Variants in BRAF observed in about 807,000 individuals in gnomAD.
BRAF encodes the protein serine/threonine-protein kinase B-raf.
A neutral mutation model predicts 104.6 loss-of-function variants in BRAF; 16 were observed. The observed-to-expected ratio is 0.15, with a 90% confidence interval of 0.10 to 0.23. The LOEUF is 0.23. Ranked by LOEUF, BRAF falls within the 10% of genes least tolerant of loss-of-function variation. The pLI is 1.00. For missense variants in BRAF, 541 were observed against 937.3 expected, an observed-to-expected ratio of 0.58 and a Z score of 5.52; for synonymous variants, 310 against 341.6, an observed-to-expected ratio of 0.91 and a Z score of 1.02.
intron 14 of BRAF, among the ~76,000 whole-genome samples, chr7:140,762,752 C>T (rs910523308): frequency 2.0e-5 from 3 of 151,856 alleles, no homozygotes; most frequent in Non-Finnish European, 4.4e-5. Flanking sequence ...GAGGACCCTG[C>T]GGCCTTCCGC....
At chr7:140,865,536 A>G (rs1436481629) in intron 1 of BRAF, among the ~76,000 whole-genome samples, 1 of 152,218 alleles carries the variant, frequency 6.6e-6, no homozygotes, top group Non-Finnish European at 1.5e-5. Context: ...TATGATGAAA[A>G]GAGAGAAAAA....
intron 1 of BRAF, among the ~76,000 whole-genome samples, chr7:140,880,132 TGAACCACAGTA>T (rs1812731017): frequency 6.6e-6 from 1 of 152,238 alleles, no homozygotes; most frequent in African/African-American, 2.4e-5. Context: ...TGATAGCATC[TGAACCACAGTA>T]GAACTACTTT....
chr7:140,771,418 T>A (rs934345964), intron 14 of BRAF, among the ~76,000 whole-genome samples: 1 of 152,170 alleles, frequency 6.6e-6, no homozygotes, highest in Non-Finnish European at 1.5e-5. Flanking sequence ...GGTCTTGAAC[T>A]CCTTGGCTCG....
At position 140,918,417 on chromosome 7, in the gene BRAF, A is replaced by G. The variant is rs545805443; in HGVS notation, c.138+6149T>C. ...ACGCTCCTGCCGCTGATCTGACAGGAGGTGGAGCTTTGGCGGTAATGCTCA... is the reference window on the plus strand; with the variant it reads ...ACGCTCCTGCCGCTGATCTGACAGGGGGTGGAGCTTTGGCGGTAATGCTCA... On this transcript the variant is annotated intron_variant, in intron 1 of 19. Coordinates refer to ENST00000644969, the MANE Select transcript of BRAF (RefSeq NM_001374258.1). 2.6e-5 allele frequency among the ~76,000 whole-genome samples: 4 copies of G among 152,278 alleles called. No individual in the cohort carries two copies. In the South Asian group the frequency reaches 8.3e-4, roughly 32 times the overall value.
chr7:140,881,769 A>T lies in BRAF; in HGVS notation c.139-31557T>A, dbSNP rs543921756. ...CCATTGTAGAGTTATTAATTGGCCT[A>T]ACTTCAATATTGTTGTGTCTCAGGG... On this transcript the variant is annotated intron_variant, in intron 1 of 19. Transcript: ENST00000644969. Among the ~76,000 whole-genome samples, 4 of 152,324 alleles carry T rather than the reference A, an allele frequency of 2.6e-5. No individual in the cohort carries two copies. The East Asian group carries it at 7.7e-4, about 29-fold the overall frequency.
chr7:140,750,186 C>T (rs917624067), intron 16 of BRAF, among the ~76,000 whole-genome samples: 27 of 152,094 alleles, frequency 1.8e-4, no homozygotes, highest in Admixed American at 8.5e-4. Flanking sequence ...TTTCACCTTG[C>T]GTCTTCTGTA....
chr7:140,801,922 G>A (rs896019081), intron 5 of BRAF, among the ~76,000 whole-genome samples: 8 of 152,124 alleles, frequency 5.3e-5, no homozygotes, highest in Non-Finnish European at 7.3e-5. Context: ...AAAGAAGGGA[G>A]GTTAAGAAAT....
chr7:140,738,957 T>C (rs1280362446), intron 18 of BRAF, among the ~76,000 whole-genome samples: 1 of 141,058 alleles, frequency 7.1e-6, no homozygotes, highest in Non-Finnish European at 1.5e-5. Flanking sequence ...GCTTTATCCT[T>C]CCAATATGGA....
intron 8 of BRAF, among the ~76,000 whole-genome samples, chr7:140,789,429 G>C (rs768271907): frequency 2.0e-5 from 3 of 151,998 alleles, no homozygotes; most frequent in Non-Finnish European, 4.4e-5. Flanking sequence ...CTAAAACAAA[G>C]TAAATTCTTT....
At chr7:140,818,914 G>A (rs182728470) in intron 3 of BRAF, among the ~76,000 whole-genome samples, 70 of 152,206 alleles carry the variant, frequency 4.6e-4, no homozygotes, top group Non-Finnish European at 7.9e-4. Context: ...ACCTTACACT[G>A]AAGATAGCTT....
intron 1 of BRAF, among the ~76,000 whole-genome samples, chr7:140,859,930 G>A (rs971388684): frequency 2.0e-5 from 3 of 152,034 alleles, no homozygotes; most frequent in African/African-American, 7.2e-5. Flanking sequence ...CTCGTGATCC[G>A]TCCGCTTCAG....
intron 17 of BRAF, among the ~76,000 whole-genome samples, chr7:140,742,945 T>G (rs1032723607): frequency 9.9e-5 from 15 of 151,990 alleles, no homozygotes; most frequent in South Asian, 4.2e-4. Context: ...AAGAAGACAT[T>G]TATGCAGCCA....
intron 3 of BRAF, among the ~76,000 whole-genome samples, chr7:140,815,423 G>A (rs1804768557): frequency 6.7e-6 from 1 of 148,460 alleles, no homozygotes; most frequent in African/African-American, 2.5e-5. Flanking sequence ...AGGATTACAG[G>A]TGTGAGCCAT....
At chr7:140,737,917 T>G (rs1796572612) in intron 18 of BRAF, among the ~76,000 whole-genome samples, 1 of 152,232 alleles carries the variant, frequency 6.6e-6, no homozygotes, top group African/African-American at 2.4e-5. Flanking sequence ...TTTAGAAGTA[T>G]GGAGCTAAGC....
intron 1 of BRAF, among the ~76,000 whole-genome samples, chr7:140,884,755 T>C (rs1813367247): frequency 6.6e-6 from 1 of 152,088 alleles, no homozygotes; most frequent in Non-Finnish European, 1.5e-5. Flanking sequence ...GGCCCCTTTA[T>C]ACTCTTAAAA....
At chr7:140,839,094 T>C (rs1807651134) in intron 2 of BRAF, among the ~76,000 whole-genome samples, 2 of 152,144 alleles carry the variant, frequency 1.3e-5, no homozygotes, top group African/African-American at 4.8e-5. Context: ...GAAAGAATGG[T>C]CTCTTCAACA....
intron 7 of BRAF, among the ~76,000 whole-genome samples, chr7:140,797,567 C>T (rs1299135878): frequency 6.6e-6 from 1 of 152,130 alleles, no homozygotes; most frequent in Non-Finnish European, 1.5e-5. Context: ...CAAGTTTGAA[C>T]ATCTTATCAT....
chr7:140,742,186 T>C (rs1357909611), intron 17 of BRAF, among the ~76,000 whole-genome samples: 1 of 134,526 alleles, frequency 7.4e-6, no homozygotes, highest in African/African-American at 2.5e-5. Context: ...CATGGTGGGG[T>C]TTTTTTTGTT....
chr7:140,776,845 A>C, intron 14 of BRAF, 67 bp downstream of exon 13: 1 of 1,507,388 alleles, frequency 6.6e-7, no homozygotes, highest in Non-Finnish European at 9.2e-7. Context: ...ATAGCAGCCA[A>C]AACCTTTAAA....
Sources: gnomAD v4.1 joint callset for allele counts (sites outside exome capture counted in the v4.1 genomes callset) on GRCh38, gnomAD v4.1.1 for gene constraint, MANE v1.5 for transcripts, NCBI Gene and HGNC (gene_info 2026-07-23, HGNC 2026-07-21) for gene names.